The following DIAPH2 variants were observed in gnomAD, a reference collection of about 807,000 sequenced individuals.
The protein encoded by DIAPH2 is diaphanous related formin 2, also known as protein diaphanous homolog 2.
Under a neutral mutation model 92.7 loss-of-function variants are expected in DIAPH2, and 35 were observed. That is an observed-to-expected ratio of 0.38 (90% CI 0.29 to 0.50). DIAPH2 has a LOEUF of 0.50. Ranked by LOEUF, DIAPH2 falls within the 20% of genes least tolerant of loss-of-function variation. DIAPH2 has a pLI of 0.94. For missense variants in DIAPH2, 701 were observed against 819.5 expected (o/e 0.86, Z 1.77); for synonymous variants, 301 against 280.4 (o/e 1.07, Z -0.73).
At chrX:97,085,564 A>G (rs1034379751) in intron 19 of DIAPH2, among the ~76,000 whole-genome samples, 1 of 110,339 alleles carries the variant, frequency 9.1e-6, no homozygotes, top group African/African-American at 3.3e-5. Flanking sequence ...AGCTGGGACT[A>G]CAGACCACCG....
intron 26 of DIAPH2, among the ~76,000 whole-genome samples, chrX:97,472,848 T>A (rs1435017571): frequency 8.9e-6 from 1 of 112,208 alleles, no homozygotes; most frequent in Non-Finnish European, 1.9e-5. Flanking sequence ...GTGACTGAAT[T>A]AATTTCTCCA....
At chrX:96,869,511 G>A (rs1473253448) in intron 4 of DIAPH2, among the ~76,000 whole-genome samples, 3 of 108,954 alleles carry the variant, frequency 2.8e-5, no homozygotes, top group African/African-American at 1.0e-4. Context: ...GCAGTGAGCC[G>A]AGATTCCGCC....
At chrX:97,363,270 C>A (rs1192165802) in intron 24 of DIAPH2, among the ~76,000 whole-genome samples, 1 of 111,969 alleles carries the variant, frequency 8.9e-6, no homozygotes, top group African/African-American at 3.2e-5. Context: ...AATGCCATTT[C>A]AAAATCAATG....
chrX:97,491,520 C>T (rs890611957), intron 26 of DIAPH2, among the ~76,000 whole-genome samples: 13 of 111,027 alleles, frequency 1.2e-4, no homozygotes, highest in African/African-American at 4.3e-4. Flanking sequence ...AAGTGATTCT[C>T]CTGTCTCAGC....
Position 97,354,598 on chromosome X carries a change from T to C in DIAPH2, c.3009+6318T>C, listed in dbSNP as rs757478112. Among the ~76,000 whole-genome samples the C allele has an allele frequency of 2.7e-5, 3 of 111,855 alleles. No individual in the cohort carries two copies. The Admixed American group carries it at 2.8e-4, about 11-fold the overall frequency. ...CATGTTGGCCAGGCTGGTCTCAAAC[T>C]CCTGACCTCAGGTGATCCACCTGCC... On this transcript the variant is annotated intron_variant, in intron 24 of 26. Coordinates refer to ENST00000324765, the MANE Select transcript of DIAPH2 (RefSeq NM_006729.5).
chrX:97,367,990 C>T (rs767838061), intron 24 of DIAPH2, among the ~76,000 whole-genome samples: 2 of 112,339 alleles, frequency 1.8e-5, no homozygotes, highest in South Asian at 3.7e-4. Context: ...GGATTACAGG[C>T]GTGAGCCACT....
intron 25 of DIAPH2, among the ~76,000 whole-genome samples, chrX:97,404,285 T>A (rs1332722117): frequency 2.1e-4 from 24 of 112,071 alleles, no homozygotes; most frequent in Non-Finnish European, 1.1e-4. Context: ...GTCTTATTCC[T>A]TTACTTCAGT....
intron 3 of DIAPH2, among the ~76,000 whole-genome samples, chrX:96,757,276 T>C (rs1442943752): frequency 8.9e-6 from 1 of 111,800 alleles, no homozygotes; most frequent in East Asian, 2.8e-4. Context: ...TACTGGACTC[T>C]TGTCTTTTTA....
intron 22 of DIAPH2, among the ~76,000 whole-genome samples, chrX:97,171,871 C>A (rs1209294398): frequency 9.2e-6 from 1 of 108,732 alleles, no homozygotes; most frequent in Admixed American, 9.9e-5. Context: ...ACCCGGGAGG[C>A]GGAGCTTGCA....
intron 23 of DIAPH2, among the ~76,000 whole-genome samples, chrX:97,263,556 GTTA>G (rs1429766185): frequency 2.0e-5 from 2 of 98,040 alleles, no homozygotes; most frequent in Admixed American, 1.1e-4. Context: ...TGTTCCAACT[GTTA>G]TTTATTTATT....
chrX:96,943,703 T>TA (rs2065720685), intron 13 of DIAPH2, among the ~76,000 whole-genome samples: 1 of 111,074 alleles, frequency 9.0e-6, no homozygotes, highest in African/African-American at 3.3e-5. Flanking sequence ...TGAATACCTA[T>TA]AAAAAATAAT....
At chrX:96,686,544 C>CT (rs1219025740) in intron 1 of DIAPH2, among the ~76,000 whole-genome samples, 41 of 111,724 alleles carry the variant, frequency 3.7e-4, no homozygotes, top group African/African-American at 1.2e-3. Context: ...CAGTTCCTAG[C>CT]TAACTTCACT....
intron 4 of DIAPH2, among the ~76,000 whole-genome samples, chrX:96,767,153 T>C (rs184454297): frequency 1.8e-5 from 2 of 111,799 alleles, no homozygotes; most frequent in East Asian, 5.6e-4. Flanking sequence ...CTTTATCTTA[T>C]AGTTCCTATT....
At chrX:97,275,534 G>A (rs1382602038) in intron 23 of DIAPH2, among the ~76,000 whole-genome samples, 2 of 104,096 alleles carry the variant, frequency 1.9e-5, no homozygotes, top group African/African-American at 7.0e-5. Context: ...GGCGGCTGCC[G>A]GGCGGAGGGG....
At chrX:97,516,668 G>A (rs1038056317) in intron 26 of DIAPH2, among the ~76,000 whole-genome samples, 4 of 111,894 alleles carry the variant, frequency 3.6e-5, no homozygotes, top group Non-Finnish European at 7.5e-5. Context: ...TCAGATAATT[G>A]TCTGATTATA....
chrX:97,489,308 T>A (rs1208350184), intron 26 of DIAPH2, among the ~76,000 whole-genome samples: 3 of 112,083 alleles, frequency 2.7e-5, no homozygotes, highest in South Asian at 3.7e-4. Flanking sequence ...CTGAATTTTT[T>A]AATTAGTTTT....
intron 17 of DIAPH2, among the ~76,000 whole-genome samples, chrX:97,066,853 T>C (rs2147907468): frequency 8.9e-6 from 1 of 112,229 alleles, no homozygotes; most frequent in Admixed American, 9.5e-5. Context: ...CTACAACCAG[T>C]AAGATTTGTT....
At position 97,392,894 on chromosome X, in the gene DIAPH2, C is replaced by T. The variant is rs2069672737; in HGVS notation, c.3145+8850C>T. Among the ~76,000 whole-genome samples the T allele has an allele frequency of 2.7e-5, 3 of 111,329 alleles. No homozygotes were observed. The Admixed American group carries it at 2.9e-4, about 11-fold the overall frequency. On this transcript the variant is annotated intron_variant, in intron 25 of 26. Coordinates refer to ENST00000324765, the MANE Select transcript of DIAPH2 (RefSeq NM_006729.5). ...TAATGGCATTTGGCCTATTACCAGT[C>T]CCTGATAGTTAAATGTTCAGTCAGT... is the stretch of plus-strand genomic sequence containing the variant.
chrX:97,121,090 T>C (rs1298573323), intron 21 of DIAPH2, among the ~76,000 whole-genome samples: 3 of 112,143 alleles, frequency 2.7e-5, no homozygotes, highest in Admixed American at 1.9e-4. Flanking sequence ...GTGGACTATG[T>C]CCATATAAAC....
Sources: allele counts gnomAD v4.1 joint callset (sites outside exome capture counted in the v4.1 genomes callset), GRCh38; gene constraint gnomAD v4.1.1; transcripts MANE v1.5; gene names NCBI Gene and HGNC (gene_info 2026-07-23, HGNC 2026-07-21).